The following IL1F10 variants were observed in gnomAD, a reference collection of about 807,000 sequenced individuals.
The protein encoded by IL1F10 is interleukin 1 family member 10, also known as interleukin-1 family member 10.
In IL1F10, 13 loss-of-function variants were observed where a neutral mutation model predicts 13.1. That is an observed-to-expected ratio of 0.99 (90% CI 0.64 to 1.57). The LOEUF (loss-of-function observed/expected upper bound fraction) is 1.57, where lower values mean the gene tolerates loss of function less well. Among genes scored for constraint, IL1F10 ranks in the 40% most tolerant of loss-of-function variants. The probability of loss-of-function intolerance (pLI) is 0.00; values close to 1 mark genes in which losing one functional copy is unlikely to be tolerated. For synonymous variants in IL1F10, 78 were observed against 68.2 expected, an observed-to-expected ratio of 1.14 and a Z score of -0.71; for missense variants, 191 against 184.1, an observed-to-expected ratio of 1.04 and a Z score of -0.22.
rs28928300 is a variant in IL1F10, at chr2:113,075,451, G to A, written c.*87G>A. 5.3e-3 allele frequency: 5,035 copies of A among 951,112 alleles called. 136 individuals are homozygous for A. The African/African-American group carries it at 0.062, about 12-fold the overall frequency. 58.9% of individuals were successfully genotyped at this position (951,112 alleles called of 1,614,324 possible). ...TATGGTAGGCAGAATAATGTCCCCC[G>A]AAATATGTCCACATCCTAATCCCAA... On this transcript the variant is annotated 3_prime_UTR_variant, in exon 5 of 5. Transcript: ENST00000341010.
At position 113,070,642 on chromosome 2, in the gene IL1F10, G is replaced by A. The variant is rs1367873736; in HGVS notation, c.-28-2069G>A. ...GGGCTTGCATTGAGGCCATGATGCT[G>A]TTGAGTTATCTGTACTGGGGGATTG... is the stretch of plus-strand genomic sequence containing the variant. On this transcript the variant is annotated intron_variant, in intron 1 of 4. Coordinates refer to ENST00000341010, the MANE Select transcript of IL1F10 (RefSeq NM_173161.3). 3.3e-5 allele frequency among the ~76,000 whole-genome samples: 5 copies of A among 152,296 alleles called. No homozygotes were observed. In the East Asian group the frequency reaches 9.7e-4, roughly 29 times the overall value.
In IL1F10 at chr2:113,075,365, G is replaced by A. The variant is rs1204136392; in HGVS notation, c.*1G>A. The A allele has an allele frequency of 6.4e-7, 1 of 1,553,758 alleles. No individual in the cohort carries two copies. Among genetic ancestry groups the A allele is most frequent in the South Asian group, 1.2e-5 (1 of 83,576 alleles). On this transcript the variant is annotated 3_prime_UTR_variant, in exon 5 of 5. Coordinates refer to ENST00000341010, the MANE Select transcript of IL1F10 (RefSeq NM_173161.3). ...GTTTTACTTTGAACAGAGCTGGTAG[G>A]GAGACAGGAAACTGCGTTTTAGCCT... is the stretch of plus-strand genomic sequence containing the variant.
chr2:113,072,905 C>A, intron 2 of IL1F10, 135 bp downstream of exon 2: 1 of 712,180 alleles, frequency 1.4e-6, no homozygotes, highest in Non-Finnish European at 2.5e-6. Flanking sequence ...GCTTCATCAT[C>A]ACCACAGTAG....
rs4849149 is a variant in IL1F10, at chr2:113,072,674, C to T, written c.-28-37C>T. On this transcript the variant is annotated intron_variant, in intron 1 of 4. Coordinates refer to ENST00000341010, the MANE Select transcript of IL1F10 (RefSeq NM_173161.3). ...CACGTCTGCCTCTGGCTTCACCCAG[C>T]CTCCTTTTCTAACTGCCCTTCTCTC... 1,029 of 1,460,398 alleles carry T rather than the reference C, an allele frequency of 7.0e-4. 12 individuals are homozygous for T. The East Asian group carries it at 0.02, about 28-fold the overall frequency. The allele number at this position is 1,460,398 out of a possible 1,614,324, so 90.5% of individuals were successfully genotyped here. A position where few individuals can be genotyped will look rare whatever the true frequency, so the allele number is the denominator to read the frequency against.
At chr2:113,073,762 A>G (rs1409163472) in intron 2 of IL1F10, among the ~76,000 whole-genome samples, 1 of 152,148 alleles carries the variant, frequency 6.6e-6, no homozygotes, top group Non-Finnish European at 1.5e-5. Context: ...TTCTGCCCTA[A>G]AAGGTTAATG....
At chr2:113,074,469 C>T in intron 3 of IL1F10, 55 bp downstream of exon 3, 2 of 1,380,464 alleles carry the variant, frequency 1.4e-6, no homozygotes, top group Non-Finnish European at 2.1e-6. Flanking sequence ...CCTCCCTTCT[C>T]TTCTTCCCTT....
intron 3 of IL1F10, 109 bp downstream of exon 3, chr2:113,074,523 G>A: frequency 9.1e-7 from 1 of 1,093,966 alleles, no homozygotes. Context: ...GTGACAGTGA[G>A]AAGGGCCAGA....
Position 113,072,743 on chromosome 2 carries a change from G to T in IL1F10, c.5G>T (p.Cys2Phe). The change falls in exon 2 of 5, where the codon TGT becomes TTT. Residue 2 changes from cysteine to phenylalanine, a missense_variant. Coordinates refer to ENST00000341010, the MANE Select transcript of IL1F10 (RefSeq NM_173161.3). Reference sequence around the variant, plus strand: ...CAGACACCACTGATTGCAGGAATGTGTTCCCTCCCCATGGCAAGATACTAC... The same window carrying T: ...CAGACACCACTGATTGCAGGAATGTTTTCCCTCCCCATGGCAAGATACTAC... M[C>F]SLPMARYYII... is the part of the protein sequence containing the mutation. The T allele has an allele frequency of 6.2e-7, 1 of 1,613,332 alleles. No homozygotes were observed. The highest frequency in any genetic ancestry group is 1.1e-5 in the South Asian group (1 of 90,814).
chr2:113,070,800 G>A (rs1685821641), intron 1 of IL1F10, among the ~76,000 whole-genome samples: 1 of 152,160 alleles, frequency 6.6e-6, no homozygotes, highest in South Asian at 2.1e-4. Context: ...ATTTTAACAA[G>A]AACTGCAGGT....
At chr2:113,073,605 A>T (rs3811055) in intron 2 of IL1F10, among the ~76,000 whole-genome samples, 108,181 of 151,628 alleles carry the variant, frequency 0.71, 38,704 homozygotes, top group South Asian at 0.81. Context: ...GGAATGCCAG[A>T]TAACACGCCC....
Position 113,071,498 on chromosome 2 carries a change from A to G in IL1F10, c.-28-1213A>G, listed in dbSNP as rs116193524. On this transcript the variant is annotated intron_variant, in intron 1 of 4. Transcript: ENST00000341010. ...TAAGACTTTCATTCACAGCACCAAC[A>G]TCCCTCCAGAATTTGCACTTGTTAG... is the stretch of plus-strand genomic sequence containing the variant. 4.1e-3 allele frequency among the ~76,000 whole-genome samples: 624 copies of G among 152,340 alleles called. 2 individuals carry two copies. Among genetic ancestry groups the G allele is most frequent in the Non-Finnish European group, 6.9e-3 (471 of 68,024 alleles).
intron 1 of IL1F10, among the ~76,000 whole-genome samples, chr2:113,069,730 A>G (rs551544788): frequency 6.6e-6 from 1 of 152,336 alleles, no homozygotes; most frequent in Non-Finnish European, 1.5e-5. Flanking sequence ...TGTAGAAGTC[A>G]ATGAATTGCA....
At chr2:113,072,613 C>A in intron 1 of IL1F10, 98 bp from the exon 2 acceptor site, 2 of 737,746 alleles carry the variant, frequency 2.7e-6, no homozygotes, top group Non-Finnish European at 4.5e-6. Flanking sequence ...CCTGGGGAAC[C>A]CGTGCAGCCC....
At chr2:113,074,279 C>T (rs1685893981) in intron 2 of IL1F10, 50 bp from the exon 3 acceptor site, 2 of 1,182,084 alleles carry the variant, frequency 1.7e-6, no homozygotes, top group African/African-American at 1.5e-5. Flanking sequence ...GGCTTGGGGG[C>T]CAGTGGTGCA....
chr2:113,075,547 TGAG>T lies in IL1F10; in HGVS notation c.*187_*189del, dbSNP rs1412188458. On this transcript the variant is annotated 3_prime_UTR_variant, in exon 5 of 5. Coordinates refer to ENST00000341010, the MANE Select transcript of IL1F10 (RefSeq NM_173161.3). ...TGTGATTATGTTAAGGATCTTGAAA[TGAG>T]GAGACAATCCTGGGTTATCCTTGTG... 1 of 433,410 alleles carries T rather than the reference TGAG, an allele frequency of 2.3e-6. No individual in the cohort carries two copies. Among genetic ancestry groups the T allele is most frequent in the Non-Finnish European group, 4.0e-6 (1 of 247,022 alleles). 26.8% of individuals were successfully genotyped at this position (433,410 alleles called of 1,614,324 possible). A position where few individuals can be genotyped will look rare whatever the true frequency, so the allele number is the denominator to read the frequency against.
intron 2 of IL1F10, among the ~76,000 whole-genome samples, chr2:113,073,611 C>A (rs3811057): frequency 0.72 from 108,805 of 151,888 alleles, 39,184 homozygotes; most frequent in South Asian, 0.81. Flanking sequence ...CCAGATAACA[C>A]GCCCAGGATC....
At chr2:113,068,847 G>A (rs1446091269) in intron 1 of IL1F10, among the ~76,000 whole-genome samples, 3 of 152,112 alleles carry the variant, frequency 2.0e-5, no homozygotes, top group African/African-American at 7.2e-5. Flanking sequence ...CAATAGTAAG[G>A]GAAAGATTCA....
Position 113,075,421 on chromosome 2 carries a change from G to A in IL1F10, c.*57G>A, listed in dbSNP as rs1685923968. The A allele has an allele frequency of 3.8e-6, 5 of 1,311,904 alleles. No homozygotes were observed. Among genetic ancestry groups the A allele is most frequent in the Non-Finnish European group, 5.3e-6 (5 of 944,782 alleles). 81.3% of individuals were successfully genotyped at this position (1,311,904 alleles called of 1,614,324 possible). ...CCCCAAACCAAGCTCATCCTGCTCA[G>A]GGTCTATGGTAGGCAGAATAATGTC... is the stretch of plus-strand genomic sequence containing the variant. On this transcript the variant is annotated 3_prime_UTR_variant, in exon 5 of 5. Coordinates refer to ENST00000341010, the MANE Select transcript of IL1F10 (RefSeq NM_173161.3).
At chr2:113,070,368 T>C (rs1402178100) in intron 1 of IL1F10, among the ~76,000 whole-genome samples, 1 of 152,212 alleles carries the variant, frequency 6.6e-6, no homozygotes, top group Admixed American at 6.5e-5. Flanking sequence ...ACATTTTGGC[T>C]GTGCCAGAAT....
Sources: allele counts gnomAD v4.1 joint callset (sites outside exome capture counted in the v4.1 genomes callset), GRCh38; gene constraint gnomAD v4.1.1; transcripts MANE v1.5; gene names NCBI Gene and HGNC (gene_info 2026-07-23, HGNC 2026-07-21).